DISC1: variants seen among roughly 807,000 people sequenced by gnomAD.
DISC1 encodes the protein disrupted in schizophrenia 1 protein.
Under a neutral mutation model 84.5 loss-of-function variants are expected in DISC1, and 57 were observed. The observed-to-expected ratio is 0.67, with a 90% confidence interval of 0.55 to 0.84. The LOEUF (loss-of-function observed/expected upper bound fraction) is 0.84. Ranked by LOEUF, DISC1 falls within the 40% of genes least tolerant of loss-of-function variation. The probability of loss-of-function intolerance (pLI) is 0.00; values close to 1 mark genes in which losing one functional copy is unlikely to be tolerated. For synonymous variants in DISC1, 411 were observed against 415.2 expected (o/e 0.99, Z 0.12); for missense variants, 1,000 against 1,057.8 (o/e 0.95, Z 0.76).
At chr1:231,820,741 C>A (rs1180074511) in intron 9 of DISC1, among the ~76,000 whole-genome samples, 1 of 152,196 alleles carries the variant, frequency 6.6e-6, no homozygotes, top group East Asian at 1.9e-4. Flanking sequence ...TTTAAGTACG[C>A]TTTTAGAAAT....
At chr1:231,869,459 A>G (rs1288991191) in intron 9 of DISC1, among the ~76,000 whole-genome samples, 2 of 152,100 alleles carry the variant, frequency 1.3e-5, no homozygotes, top group Non-Finnish European at 2.9e-5. Flanking sequence ...TAATGGAATA[A>G]TTGTGGCTGG....
At chr1:231,806,650 G>A (rs76205731) in intron 8 of DISC1, among the ~76,000 whole-genome samples, 2 of 150,556 alleles carry the variant, frequency 1.3e-5, no homozygotes, top group Admixed American at 6.6e-5. Flanking sequence ...TGCAGGGTTC[G>A]AGGGTGAAAG....
intron 11 of DISC1, among the ~76,000 whole-genome samples, chr1:232,025,797 C>T (rs1047837360): frequency 6.6e-6 from 1 of 152,102 alleles, no homozygotes; most frequent in Non-Finnish European, 1.5e-5. Flanking sequence ...AGGGTTTCAC[C>T]GTGTTAGCCA....
At position 231,767,975 on chromosome 1, in the gene DISC1, C is replaced by T. The variant is rs185800282; in HGVS notation, c.1398+706C>T. On this transcript the variant is annotated intron_variant, in intron 5 of 12. Transcript: ENST00000439617. ...TTGTTAAGAGACAGAGTTGTAAGTCCGGACTGAGCAAGGCAGGCACATCTG... is the reference window on the plus strand; with the variant it reads ...TTGTTAAGAGACAGAGTTGTAAGTCTGGACTGAGCAAGGCAGGCACATCTG... Among the ~76,000 whole-genome samples the T allele has an allele frequency of 4.5e-4, 68 of 152,246 alleles. 1 individual carries two copies. In the East Asian group the frequency reaches 0.01, roughly 23 times the overall value.
intron 8 of DISC1, among the ~76,000 whole-genome samples, chr1:231,815,377 A>T (rs897225146): frequency 6.6e-6 from 1 of 152,082 alleles, no homozygotes; most frequent in Admixed American, 6.6e-5. Context: ...TCTACCATGG[A>T]TTAATTTTGG....
At chr1:231,962,856 G>A (rs1660572825) in intron 10 of DISC1, among the ~76,000 whole-genome samples, 1 of 152,120 alleles carries the variant, frequency 6.6e-6, no homozygotes. Context: ...GGGTGGGCGG[G>A]CACCATGGGC....
At position 231,705,262 on chromosome 1, in the gene DISC1, C is replaced by T. The variant is rs577689840; in HGVS notation, c.1117+3238C>T. ...GAGATTGCACCATTGCACTCCAGCC[C>T]GGGCAACAGTGGGAGCGAGACTCCA... On this transcript the variant is annotated intron_variant, in intron 3 of 12. Coordinates refer to ENST00000439617, the MANE Select transcript of DISC1 (RefSeq NM_018662.3). 1.1e-3 allele frequency among the ~76,000 whole-genome samples: 134 copies of T among 122,882 alleles called. 3 individuals carry two copies. The highest frequency in any genetic ancestry group is 4.1e-3 in the African/African-American group (127 of 31,110). 80.6% of individuals were successfully genotyped at this position (122,882 alleles called of 152,430 possible). A position where few individuals can be genotyped will look rare whatever the true frequency, so the allele number is the denominator to read the frequency against.
chr1:231,898,863 G>A (rs751080223), intron 9 of DISC1, among the ~76,000 whole-genome samples: 1 of 152,050 alleles, frequency 6.6e-6, no homozygotes, highest in African/African-American at 2.4e-5. Flanking sequence ...AACCCAGCAG[G>A]CAGAGGTTGC....
At chr1:231,949,385 T>A (rs991429264) in intron 9 of DISC1, among the ~76,000 whole-genome samples, 1 of 152,180 alleles carries the variant, frequency 6.6e-6, no homozygotes, top group African/African-American at 2.4e-5. Flanking sequence ...GTGGACAGCA[T>A]GTGTGTGTTT....
intron 1 of DISC1, among the ~76,000 whole-genome samples, chr1:231,690,091 C>T (rs1221116484): frequency 1.3e-5 from 2 of 152,166 alleles, no homozygotes; most frequent in Non-Finnish European, 2.9e-5. Context: ...CATATATTTC[C>T]AGGCATCCTA....
chr1:231,836,721 T>G (rs1475354749), intron 9 of DISC1, among the ~76,000 whole-genome samples: 1 of 152,142 alleles, frequency 6.6e-6, no homozygotes, highest in Non-Finnish European at 1.5e-5. Context: ...CACATTCACT[T>G]CCTACATTCC....
Position 231,932,422 on chromosome 1 carries a change from G to A in DISC1, c.1982-26406G>A, listed in dbSNP as rs1161598595. On this transcript the variant is annotated intron_variant, in intron 9 of 12. Transcript: ENST00000439617. ...ATTGAGGACCTGTGAACACACTGCT[G>A]GACCCTGTATATTTAGTATTTCTAA... 2.6e-5 allele frequency among the ~76,000 whole-genome samples: 4 copies of A among 152,260 alleles called. No individual in the cohort carries two copies. The South Asian group carries it at 6.2e-4, about 24-fold the overall frequency.
rs146081527 is a variant in DISC1, at chr1:231,679,878, A to G, written c.68-13948A>G. On this transcript the variant is annotated intron_variant, in intron 1 of 12. Transcript: ENST00000439617. ...TAGTTATCATCAACTCCAAATGCTAATGCTGTTTGAATTCATCAGACAGAA... is the reference window on the plus strand; with the variant it reads ...TAGTTATCATCAACTCCAAATGCTAGTGCTGTTTGAATTCATCAGACAGAA... Among the ~76,000 whole-genome samples the G allele has an allele frequency of 5.1e-3, 772 of 152,326 alleles. 4 individuals are homozygous for G. Among genetic ancestry groups the G allele is most frequent in the African/African-American group, 0.017 (700 of 41,572 alleles).
chr1:231,976,347 T>C (rs1266093691), intron 10 of DISC1, among the ~76,000 whole-genome samples: 2 of 152,162 alleles, frequency 1.3e-5, no homozygotes, highest in African/African-American at 2.4e-5. Flanking sequence ...TTGCCACCAC[T>C]GAGCAGAAAA....
intron 1 of DISC1, among the ~76,000 whole-genome samples, chr1:231,642,763 G>A (rs764142305): frequency 2.6e-5 from 4 of 152,146 alleles, no homozygotes; most frequent in Non-Finnish European, 4.4e-5. Flanking sequence ...CCCTGCTCTT[G>A]CTGGTATAAT....
intron 10 of DISC1, among the ~76,000 whole-genome samples, chr1:231,998,667 A>C (rs1039292489): frequency 2.6e-5 from 4 of 152,224 alleles, no homozygotes; most frequent in Admixed American, 1.3e-4. Context: ...TACTTAAAAG[A>C]TTTATCATGC....
chr1:231,776,702 C>A (rs1284467733), intron 6 of DISC1, among the ~76,000 whole-genome samples: 1 of 152,090 alleles, frequency 6.6e-6, no homozygotes, highest in Non-Finnish European at 1.5e-5. Flanking sequence ...GTCCTCCTTG[C>A]AAGTGAGATT....
intron 4 of DISC1, among the ~76,000 whole-genome samples, chr1:231,758,068 T>A (rs1478898814): frequency 6.6e-6 from 1 of 151,540 alleles, no homozygotes; most frequent in African/African-American, 2.4e-5. Context: ...TGCTCCACAC[T>A]GTTTTTTTTT....
intron 1 of DISC1, among the ~76,000 whole-genome samples, chr1:231,650,970 T>G (rs545212129): frequency 6.6e-6 from 1 of 152,350 alleles, no homozygotes; most frequent in South Asian, 2.1e-4. Flanking sequence ...TGTCTAATTT[T>G]TTTTCAAGGG....
Sources: gnomAD v4.1 joint callset for allele counts (sites outside exome capture counted in the v4.1 genomes callset) on GRCh38, gnomAD v4.1.1 for gene constraint, MANE v1.5 for transcripts, NCBI Gene and HGNC (gene_info 2026-07-23, HGNC 2026-07-21) for gene names.